PTPRD: variants seen among roughly 807,000 people sequenced by gnomAD.
PTPRD encodes the protein receptor-type tyrosine-protein phosphatase delta.
Under a neutral mutation model 214.5 loss-of-function variants are expected in PTPRD, and 34 were observed. The ratio of observed to expected loss-of-function variants is 0.16; its 90% CI spans 0.12 to 0.21. PTPRD has a LOEUF of 0.21. Among genes scored for constraint, PTPRD ranks in the 10% least tolerant of loss-of-function variants. The pLI, the probability that PTPRD is intolerant of heterozygous loss-of-function variation, is 1.00. For synonymous variants in PTPRD, 1,128 were observed against 845.7 expected (o/e 1.33, Z -5.79); for missense variants, 2,545 against 2,398.7 (o/e 1.06, Z -1.27).
chr9:9,420,737 A>T (rs910441490), intron 8 of PTPRD, among the ~76,000 whole-genome samples: 1 of 151,910 alleles, frequency 6.6e-6, no homozygotes, highest in Non-Finnish European at 1.5e-5. Context: ...CAAAATAATT[A>T]TGTAGCTCAA....
At position 10,172,676 on chromosome 9, in the gene PTPRD, A is replaced by G. The variant is rs1193240463; in HGVS notation, c.-544-138886T>C. On this transcript the variant is annotated intron_variant, in intron 3 of 45. Transcript: ENST00000381196. ...AGGAGAACAGGAGCACAAAGTGGCT[A>G]TGACAGAAGTTGGGAACGTTTCCAA... Among the ~76,000 whole-genome samples the G allele has an allele frequency of 9.9e-5, 15 of 152,196 alleles. 1 individual carries two copies. The highest frequency in any genetic ancestry group is 9.2e-4 in the Admixed American group (14 of 15,288).
At chr9:9,672,058 T>C (rs1383909445) in intron 7 of PTPRD, among the ~76,000 whole-genome samples, 2 of 152,218 alleles carry the variant, frequency 1.3e-5, no homozygotes, top group African/African-American at 2.4e-5. Context: ...ATAGTCACTG[T>C]ATCTGCTGTG....
At chr9:9,329,620 T>C (rs1213036145) in intron 9 of PTPRD, among the ~76,000 whole-genome samples, 1 of 152,164 alleles carries the variant, frequency 6.6e-6, no homozygotes, top group Non-Finnish European at 1.5e-5. Context: ...TATCTTCTGT[T>C]AGAGAATGTC....
chr9:9,199,179 A>T (rs1451292527), intron 9 of PTPRD, among the ~76,000 whole-genome samples: 1 of 152,142 alleles, frequency 6.6e-6, no homozygotes, highest in African/African-American at 2.4e-5. Flanking sequence ...GACTAGTTGC[A>T]CCTAGGGTAT....
Position 8,522,701 on chromosome 9 carries a change from T to C in PTPRD, c.691+812A>G, listed in dbSNP as rs141422740. On this transcript the variant is annotated intron_variant, in intron 19 of 45. Transcript: ENST00000381196. ...AGGTTTATGTGTGTTTAAGTAAATG[T>C]GTTTTGGATGTGATACAAGGAGAAA... Among the ~76,000 whole-genome samples the C allele has an allele frequency of 3.8e-3, 579 of 152,302 alleles. 4 individuals are homozygous for C. The highest frequency in any genetic ancestry group is 0.031 in the Middle Eastern group (9 of 294).
intron 9 of PTPRD, among the ~76,000 whole-genome samples, chr9:9,282,534 A>C (rs2133656536): frequency 6.6e-6 from 1 of 151,476 alleles, no homozygotes; most frequent in African/African-American, 2.4e-5. Flanking sequence ...GAGTATTTAA[A>C]TTTGTATAAA....
intron 3 of PTPRD, among the ~76,000 whole-genome samples, chr9:10,047,339 C>CGT (rs1235970251): frequency 8.6e-6 from 1 of 116,890 alleles, no homozygotes; most frequent in East Asian, 3.1e-4. Context: ...TGTGTGTGTG[C>CGT]GTGTGTGTGT....
At chr9:9,714,043 G>C (rs777210685) in intron 7 of PTPRD, among the ~76,000 whole-genome samples, 3 of 145,880 alleles carry the variant, frequency 2.1e-5, no homozygotes, top group Admixed American at 7.0e-5. Flanking sequence ...TATATAAATG[G>C]CACAATGACC....
rs745835445 is a variant in PTPRD, at chr9:8,376,685, G to A, written c.4428C>T (p.Thr1476=). ...DQYWPSRGTE[T]HGLVQVTLLD... Reference sequence around the variant, plus strand: ...GCAGCGTTACTTGAACGAGTCCGTGGGTTTCTGTGCCTCTGCTAGGCCAAT... The same window carrying A: ...GCAGCGTTACTTGAACGAGTCCGTGAGTTTCTGTGCCTCTGCTAGGCCAAT... The change falls in exon 38 of 46, where the codon ACC becomes ACT. Residue 1476 remains threonine, a synonymous_variant. Coordinates refer to ENST00000381196, the MANE Select transcript of PTPRD (RefSeq NM_002839.4). The A allele has an allele frequency of 6.2e-7, 1 of 1,613,006 alleles. No homozygotes were observed. Among genetic ancestry groups the A allele is most frequent in the East Asian group, 2.2e-5 (1 of 44,840 alleles).
intron 5 of PTPRD, among the ~76,000 whole-genome samples, chr9:9,825,194 T>C (rs960326709): frequency 2.0e-5 from 3 of 151,998 alleles, no homozygotes; most frequent in Non-Finnish European, 4.4e-5. Flanking sequence ...GTAGAGTTCA[T>C]ATAGGAAAGA....
chr9:8,749,161 T>TAGA (rs1325961444), intron 11 of PTPRD, among the ~76,000 whole-genome samples: 1 of 152,144 alleles, frequency 6.6e-6, no homozygotes, highest in African/African-American at 2.4e-5. Flanking sequence ...CCCATTGCCC[T>TAGA]AGATATAGTT....
chr9:9,367,713 C>G (rs1172077210), intron 9 of PTPRD, among the ~76,000 whole-genome samples: 1 of 151,618 alleles, frequency 6.6e-6, no homozygotes, highest in African/African-American at 2.4e-5. Flanking sequence ...AAAAATAGCT[C>G]CAATTTCCTG....
chr9:8,399,876 A>G (rs538103465), intron 36 of PTPRD, among the ~76,000 whole-genome samples: 1 of 152,168 alleles, frequency 6.6e-6, no homozygotes, highest in Non-Finnish European at 1.5e-5. Context: ...CTTATTAGCT[A>G]TTGATCATAC....
chr9:10,555,467 G>T (rs1449544245), intron 2 of PTPRD, among the ~76,000 whole-genome samples: 1 of 152,138 alleles, frequency 6.6e-6, no homozygotes, highest in Non-Finnish European at 1.5e-5. Flanking sequence ...GTATTCCCTT[G>T]CAGTTCTGGG....
At chr9:9,640,237 A>T (rs1030092846) in intron 7 of PTPRD, among the ~76,000 whole-genome samples, 1 of 152,206 alleles carries the variant, frequency 6.6e-6, no homozygotes, top group Non-Finnish European at 1.5e-5. Flanking sequence ...AATATGGCCA[A>T]TGAGGTGCAA....
intron 4 of PTPRD, among the ~76,000 whole-genome samples, chr9:10,012,883 GC>G (rs2096630003): frequency 6.6e-6 from 1 of 151,742 alleles, no homozygotes; most frequent in Non-Finnish European, 1.5e-5. Context: ...ATACAACCCA[GC>G]AAACACAGTC....
chr9:10,555,025 G>A (rs1376753870), intron 2 of PTPRD, among the ~76,000 whole-genome samples: 2 of 152,124 alleles, frequency 1.3e-5, no homozygotes, highest in Non-Finnish European at 2.9e-5. Context: ...TGATTAAATT[G>A]CCACCCATTT....
chr9:8,641,227 T>A lies in PTPRD; in HGVS notation c.65-4383A>T, dbSNP rs909794407. 9.4e-5 allele frequency among the ~76,000 whole-genome samples: 14 copies of A among 148,340 alleles called. 1 individual carries two copies. Among genetic ancestry groups the A allele is most frequent in the African/African-American group, 3.4e-4 (13 of 37,806 alleles). On this transcript the variant is annotated intron_variant, in intron 12 of 45. Coordinates refer to ENST00000381196, the MANE Select transcript of PTPRD (RefSeq NM_002839.4). ...GGGTATCTACTAAAAAGTCACAACATAGGACAGACTAAGATTTGAATCGTG... is the reference window on the plus strand; with the variant it reads ...GGGTATCTACTAAAAAGTCACAACAAAGGACAGACTAAGATTTGAATCGTG...
At chr9:9,708,468 G>A (rs767663097) in intron 7 of PTPRD, among the ~76,000 whole-genome samples, 3 of 151,964 alleles carry the variant, frequency 2.0e-5, no homozygotes, top group Non-Finnish European at 4.4e-5. Flanking sequence ...ACATTACATA[G>A]TCAATTATTT....
Sources: allele counts gnomAD v4.1 joint callset (sites outside exome capture counted in the v4.1 genomes callset), GRCh38; gene constraint gnomAD v4.1.1; transcripts MANE v1.5; gene names NCBI Gene and HGNC (gene_info 2026-07-23, HGNC 2026-07-21).